The following KIF5B variants were observed in gnomAD, a reference collection of about 807,000 sequenced individuals.
KIF5B encodes the protein kinesin family member 5B, also known as kinesin-1 heavy chain.
In KIF5B, 49 loss-of-function variants were observed where a neutral mutation model predicts 132.8. That is an observed-to-expected ratio of 0.37 (90% CI 0.29 to 0.47). The LOEUF is 0.47. Ranked by LOEUF, KIF5B falls within the 20% of genes least tolerant of loss-of-function variation. The pLI is 1.00. For synonymous variants in KIF5B, 355 were observed against 369.4 expected, an observed-to-expected ratio of 0.96 and a Z score of 0.45; for missense variants, 780 against 1,144.0, an observed-to-expected ratio of 0.68 and a Z score of 4.59.
In KIF5B at chr10:32,022,893, T is replaced by G. The variant is rs762288205; in HGVS notation, c.1869A>C (p.Glu623Asp). 3 of 1,613,452 alleles carry G rather than the reference T, an allele frequency of 1.9e-6. No homozygotes were observed. The African/African-American group carries it at 4.0e-5, about 22-fold the overall frequency. ...STQTESNKKM[E>D]ENEKELAACQ... is the part of the protein sequence containing the mutation. ...ATGCTGCTAACTCCTTTTCATTTTCTTCCATTTTTTTGTTGCTCTCAGTTT... is the reference window on the plus strand; with the variant it reads ...ATGCTGCTAACTCCTTTTCATTTTCGTCCATTTTTTTGTTGCTCTCAGTTT... Residue 623 changes from glutamate (E) to aspartate (D), a missense_variant, in exon 16 of 26, where the codon GAA (glutamate) becomes GAC (aspartate). Glu to Asp is a conservative substitution (Grantham distance 45). Coordinates refer to ENST00000302418, the MANE Select transcript of KIF5B (RefSeq NM_004521.3).
intron 15 of KIF5B, 104 bp downstream of exon 15, chr10:32,028,323 AG>A: frequency 1.1e-6 from 1 of 878,688 alleles, no homozygotes; most frequent in Non-Finnish European, 1.8e-6. Context: ...ACTGTTTGTG[AG>A]GATGAGATCA....
chr10:32,032,864 A>C lies in KIF5B; in HGVS notation c.1306-90T>G, dbSNP rs953024450. 5 of 896,066 alleles carry C rather than the reference A, an allele frequency of 5.6e-6. No homozygotes were observed. The Admixed American group carries it at 1.0e-4, about 18-fold the overall frequency. 55.5% of individuals were successfully genotyped at this position (896,066 alleles called of 1,614,324 possible). ...AGGTTATAAGATTACTACTCCCCAG[A>C]AATATTTCAAAACCATTTCTCTAAA... On this transcript the variant is annotated intron_variant, in intron 12 of 25. Coordinates refer to ENST00000302418, the MANE Select transcript of KIF5B (RefSeq NM_004521.3).
At chr10:32,049,150 C>T (rs915859180) in intron 1 of KIF5B, among the ~76,000 whole-genome samples, 2 of 152,172 alleles carry the variant, frequency 1.3e-5, no homozygotes, top group Non-Finnish European at 2.9e-5. Flanking sequence ...TTCAACCATT[C>T]TTTCATTTAA....
At chr10:32,011,894 T>C (rs1289648640) in intron 25 of KIF5B, among the ~76,000 whole-genome samples, 2 of 151,482 alleles carry the variant, frequency 1.3e-5, no homozygotes, top group African/African-American at 4.9e-5. Flanking sequence ...CAAGGAACAC[T>C]AACCAGCAAC....
At chr10:32,028,629 AAT>A in intron 14 of KIF5B, 58 bp from the exon 15 acceptor site, 1 of 1,437,374 alleles carries the variant, frequency 7.0e-7, no homozygotes, top group Non-Finnish European at 9.6e-7. Flanking sequence ...ATTCAAATCA[AAT>A]ACTCATCGGT....
At chr10:32,023,592 A>G (rs556480532) in intron 15 of KIF5B, among the ~76,000 whole-genome samples, 1 of 88,970 alleles carries the variant, frequency 1.1e-5, no homozygotes, top group East Asian at 7.3e-4. Flanking sequence ...ACTAAGGACA[A>G]ACAAAGTCAC....
intron 15 of KIF5B, among the ~76,000 whole-genome samples, chr10:32,024,223 C>T (rs1272219643): frequency 8.2e-6 from 1 of 122,380 alleles, no homozygotes; most frequent in Non-Finnish European, 1.6e-5. Flanking sequence ...GGCGGGATCT[C>T]GGCTCACTGC....
chr10:32,020,703 C>T (rs923116716), intron 19 of KIF5B, among the ~76,000 whole-genome samples: 3 of 152,024 alleles, frequency 2.0e-5, no homozygotes, highest in East Asian at 1.9e-4. Flanking sequence ...GGGTCACAGG[C>T]CATCAGCCAC....
chr10:32,052,575 T>C (rs1019477927), intron 1 of KIF5B, among the ~76,000 whole-genome samples: 4 of 152,162 alleles, frequency 2.6e-5, no homozygotes, highest in Non-Finnish European at 5.9e-5. Flanking sequence ...ATAGATGTAA[T>C]TTTTTTATTG....
intron 2 of KIF5B, among the ~76,000 whole-genome samples, chr10:32,042,001 A>G (rs938551496): frequency 3.3e-5 from 5 of 152,058 alleles, no homozygotes; most frequent in African/African-American, 7.3e-5. Flanking sequence ...CAAAGGGGGG[A>G]AAAAGGCAAT....
chr10:32,010,092 T>G lies in KIF5B; in HGVS notation c.*1445A>C, dbSNP rs1841054891. 2 of 152,298 alleles carry G rather than the reference T, an allele frequency of 1.3e-5. No homozygotes were observed. The highest frequency in any genetic ancestry group is 2.9e-5 in the Non-Finnish European group (2 of 68,016). 9.4% of individuals were successfully genotyped at this position (152,298 alleles called of 1,614,324 possible). On this transcript the variant is annotated 3_prime_UTR_variant, in exon 26 of 26. Coordinates refer to ENST00000302418, the MANE Select transcript of KIF5B (RefSeq NM_004521.3). The stretch of plus-strand genomic sequence containing the variant: ...TACAAATATCTGTGTATAAAACTTT[T>G]GCAAAAAGTTAATTCTGCCAGCAAG...
At chr10:32,051,437 A>C (rs778652767) in intron 1 of KIF5B, among the ~76,000 whole-genome samples, 1 of 152,216 alleles carries the variant, frequency 6.6e-6, no homozygotes, top group Non-Finnish European at 1.5e-5. Flanking sequence ...AAACAGCTTC[A>C]TAATAGTAAA....
intron 8 of KIF5B, among the ~76,000 whole-genome samples, chr10:32,036,585 A>T (rs1010044672): frequency 6.6e-6 from 1 of 152,302 alleles, no homozygotes; most frequent in African/African-American, 2.4e-5. Flanking sequence ...ATGCCCAGCT[A>T]GTATCTATGT....
chr10:32,018,366 G>A lies in KIF5B; in HGVS notation c.2389C>T (p.His797Tyr). Reference protein sequence around the residue: ...ETVAKELQTLHNLRKLFVQDL... With the variant: ...ETVAKELQTLYNLRKLFVQDL... ...TGAACAAAGAGTTTGCGCAGGTTGT[G>A]TAAAGTCTGAAGTTCTTTTGCCTTG... Residue 797 changes from histidine to tyrosine, a missense_variant, in exon 22 of 26, where the codon CAC (histidine) becomes TAC (tyrosine). Physicochemically the swap from His to Tyr is moderately conservative, Grantham distance 83. Coordinates refer to ENST00000302418, the MANE Select transcript of KIF5B (RefSeq NM_004521.3). 1 of 1,528,674 alleles carries A rather than the reference G, an allele frequency of 6.5e-7. No individual in the cohort carries two copies. Among genetic ancestry groups the A allele is most frequent in the Non-Finnish European group, 8.7e-7 (1 of 1,143,730 alleles). The allele number at this position is 1,528,674 out of a possible 1,614,324, so 94.7% of individuals were successfully genotyped here.
chr10:32,036,426 G>A (rs1157588176), intron 8 of KIF5B, among the ~76,000 whole-genome samples: 1 of 147,886 alleles, frequency 6.8e-6, no homozygotes, highest in East Asian at 2.0e-4. Context: ...ATGTTGTGGT[G>A]TTTTTTTTTT....
intron 13 of KIF5B, among the ~76,000 whole-genome samples, chr10:32,031,601 G>T (rs1333742126): frequency 1.3e-5 from 2 of 152,050 alleles, no homozygotes; most frequent in Non-Finnish European, 2.9e-5. Flanking sequence ...AGTAATACAG[G>T]AAAGAGTATT....
Position 32,038,773 on chromosome 10 carries a change from C to G in KIF5B, c.442+5G>C. On this transcript the variant is annotated splice_donor_5th_base_variant and intron_variant, in intron 5 of 25. Transcript: ENST00000302418. Reference sequence around the variant, plus strand: ...TTAAAACTGATTAGCAAGAATTTAACTTACCATCTAACAGGTCCCTTATCT... The same window carrying G: ...TTAAAACTGATTAGCAAGAATTTAAGTTACCATCTAACAGGTCCCTTATCT... The G allele has an allele frequency of 7.1e-7, 1 of 1,406,506 alleles. No individual in the cohort carries two copies. The highest frequency in any genetic ancestry group is 1.0e-6 in the Non-Finnish European group (1 of 1,003,222). The allele number at this position is 1,406,506 out of a possible 1,614,324, so 87.1% of individuals were successfully genotyped here.
chr10:32,029,675 AG>A (rs1841377425), intron 14 of KIF5B, among the ~76,000 whole-genome samples: 1 of 152,216 alleles, frequency 6.6e-6, no homozygotes, highest in South Asian at 2.1e-4. Context: ...GCTAAACACT[AG>A]GGATTTCTAA....
chr10:32,036,265 C>T (rs949576459), intron 8 of KIF5B, among the ~76,000 whole-genome samples: 2 of 152,064 alleles, frequency 1.3e-5, no homozygotes, highest in Non-Finnish European at 2.9e-5. Context: ...ATCTGTTAGT[C>T]CCCTTTGCTA....
Sources: allele counts gnomAD v4.1 joint callset (sites outside exome capture counted in the v4.1 genomes callset), GRCh38; gene constraint gnomAD v4.1.1; transcripts MANE v1.5; gene names NCBI Gene and HGNC (gene_info 2026-07-23, HGNC 2026-07-21).